The following SGCZ variants were observed in gnomAD, a reference collection of about 807,000 sequenced individuals.
SGCZ encodes the protein zeta-sarcoglycan.
SGCZ carries 40 observed loss-of-function variants against 41.3 expected under a neutral mutation model. That is an observed-to-expected ratio of 0.97 (90% confidence interval 0.75 to 1.26). The LOEUF (loss-of-function observed/expected upper bound fraction) is 1.26. Among genes scored for constraint, SGCZ ranks in the 50% most tolerant of loss-of-function variants. SGCZ has a pLI of 0.00. For missense variants in SGCZ, 552 were observed against 369.8 expected (o/e 1.49, Z -4.04); for synonymous variants, 206 against 137.5 (o/e 1.50, Z -3.49).
At chr8:14,373,622 A>G (rs1338481126) in intron 2 of SGCZ, among the ~76,000 whole-genome samples, 1 of 152,218 alleles carries the variant, frequency 6.6e-6, no homozygotes, top group African/African-American at 2.4e-5. Flanking sequence ...ATTTTGAAGG[A>G]AAGAATGAAG....
intron 1 of SGCZ, among the ~76,000 whole-genome samples, chr8:14,748,939 G>C (rs1273879869): frequency 6.6e-6 from 1 of 151,808 alleles, no homozygotes; most frequent in Non-Finnish European, 1.5e-5. Context: ...GATTTTCTGA[G>C]TTTTAGGAAA....
intron 1 of SGCZ, among the ~76,000 whole-genome samples, chr8:15,169,494 C>T (rs1176078534): frequency 6.6e-6 from 1 of 152,200 alleles, no homozygotes; most frequent in Non-Finnish European, 1.5e-5. Context: ...GTCTCACTCA[C>T]CTTTCAAATT....
intron 3 of SGCZ, among the ~76,000 whole-genome samples, chr8:14,255,751 T>C (rs1266928844): frequency 1.3e-5 from 2 of 152,090 alleles, no homozygotes; most frequent in Non-Finnish European, 2.9e-5. Flanking sequence ...TGCAGTATAA[T>C]GTGTGGGATG....
At chr8:14,573,305 C>T (rs539777066) in intron 1 of SGCZ, among the ~76,000 whole-genome samples, 20 of 146,928 alleles carry the variant, frequency 1.4e-4, no homozygotes, top group African/African-American at 5.0e-4. Flanking sequence ...TCAAGCCGTT[C>T]TCCGGCCTCA....
At chr8:14,609,408 C>A (rs1231884033) in intron 1 of SGCZ, among the ~76,000 whole-genome samples, 1 of 151,958 alleles carries the variant, frequency 6.6e-6, no homozygotes, top group East Asian at 1.9e-4. Flanking sequence ...CTATAAGTCA[C>A]TTTGAGATTC....
chr8:15,070,387 T>C (rs181147434), intron 1 of SGCZ, among the ~76,000 whole-genome samples: 1 of 152,324 alleles, frequency 6.6e-6, no homozygotes, highest in African/African-American at 2.4e-5. Context: ...CTGCAACTGA[T>C]AATATGCAAC....
Position 14,090,486 on chromosome 8 carries a change from C to G in SGCZ, c.896G>C (p.Gly299Ala). The G allele has an allele frequency of 6.2e-7, 1 of 1,612,986 alleles. No individual in the cohort carries two copies. Among genetic ancestry groups the G allele is most frequent in the South Asian group, 1.1e-5 (1 of 91,046 alleles). Residue 299 changes from glycine to alanine, a missense_variant, in exon 8 of 8, where the codon GGT (glycine) becomes GCT (alanine). Transcript: ENST00000382080. ...GTTGCTACTGGACTGACAAGTGGAA[C>G]CTACTCCTGCTGGAGAAAGGTAAAG... The part of the protein sequence containing the change: ...GKLYLSPAGV[G>A]STCQSSSNIC...
intron 1 of SGCZ, among the ~76,000 whole-genome samples, chr8:14,743,088 A>G (rs1799241606): frequency 6.6e-6 from 1 of 152,124 alleles, no homozygotes; most frequent in Admixed American, 6.6e-5. Flanking sequence ...GAGTTAAAAA[A>G]GTATGCACAA....
chr8:14,714,342 C>G (rs1809619503), intron 1 of SGCZ, among the ~76,000 whole-genome samples: 1 of 152,122 alleles, frequency 6.6e-6, no homozygotes, highest in African/African-American at 2.4e-5. Flanking sequence ...AAAAAAGTAA[C>G]AGTATCATAG....
At chr8:14,919,577 T>C (rs1799531685) in intron 1 of SGCZ, among the ~76,000 whole-genome samples, 1 of 152,178 alleles carries the variant, frequency 6.6e-6, no homozygotes, top group Admixed American at 6.5e-5. Context: ...ATTTGAACAA[T>C]TAAGATACTA....
At chr8:14,784,722 C>T (rs1240670590) in intron 1 of SGCZ, among the ~76,000 whole-genome samples, 1 of 150,760 alleles carries the variant, frequency 6.6e-6, no homozygotes, top group Non-Finnish European at 1.5e-5. Context: ...TGGAGAAACC[C>T]CGTCTCTACT....
chr8:15,053,036 C>T (rs1804572510), intron 1 of SGCZ, among the ~76,000 whole-genome samples: 1 of 152,150 alleles, frequency 6.6e-6, no homozygotes, highest in Non-Finnish European at 1.5e-5. Context: ...TCCAGCATTC[C>T]TCTGTAATAA....
chr8:15,097,837 T>TGTGTATATATATATATACAC lies in SGCZ; in HGVS notation c.39+139747_39+139748insGTGTATATATATATATACAC, dbSNP rs1563123920. 2.1e-3 allele frequency among the ~76,000 whole-genome samples: 18 copies of TGTGTATATATATATATACAC among 8,400 alleles called. 1 individual carries two copies. Among genetic ancestry groups the TGTGTATATATATATATACAC allele is most frequent in the Admixed American group, 5.3e-3 (3 of 570 alleles). The allele number at this position is 8,400 out of a possible 152,430, so 5.5% of individuals were successfully genotyped here. A position where few individuals can be genotyped will look rare whatever the true frequency, so the allele number is the denominator to read the frequency against. ...ATACGTGTGTGTATATATATATACGTGTGTGTATATATATATATACGTGTG... is the reference window on the plus strand; with the variant it reads ...ATACGTGTGTGTATATATATATACGTGTGTATATATATATATACACGTGTGTATATATATATATACGTGTG... On this transcript the variant is annotated intron_variant, in intron 1 of 7. Coordinates refer to ENST00000382080, the MANE Select transcript of SGCZ (RefSeq NM_139167.4).
chr8:14,637,172 T>A (rs902217924), intron 1 of SGCZ, among the ~76,000 whole-genome samples: 2 of 151,772 alleles, frequency 1.3e-5, no homozygotes, highest in Non-Finnish European at 2.9e-5. Context: ...AGTCCAAATC[T>A]TACATCACTA....
At chr8:14,163,022 C>T (rs1337022875) in intron 5 of SGCZ, among the ~76,000 whole-genome samples, 2 of 152,144 alleles carry the variant, frequency 1.3e-5, no homozygotes, top group African/African-American at 4.8e-5. Context: ...GGACACACAC[C>T]TTCATGCCTG....
intron 2 of SGCZ, among the ~76,000 whole-genome samples, chr8:14,491,359 G>C (rs1801837930): frequency 6.7e-6 from 1 of 149,632 alleles, no homozygotes; most frequent in Admixed American, 6.9e-5. Context: ...GGATCTCTCA[G>C]TGTATTACTC....
rs546443978 is a variant in SGCZ at position 14,963,879 on chromosome 8, G to C, written c.39+273706C>G. On this transcript the variant is annotated intron_variant, in intron 1 of 7. Transcript: ENST00000382080. ...TTTCCTTCAAATTTATTTCTTTTCA[G>C]TGCTTTCTAAAATAAAACTTTTCAC... Among the ~76,000 whole-genome samples, 7 of 152,092 alleles carry C rather than the reference G, an allele frequency of 4.6e-5. No individual in the cohort carries two copies. The South Asian group carries it at 8.3e-4, about 18-fold the overall frequency.
intron 3 of SGCZ, among the ~76,000 whole-genome samples, chr8:14,294,242 A>G (rs191680905): frequency 1.6e-3 from 243 of 152,070 alleles, no homozygotes; most frequent in African/African-American, 5.7e-3. Flanking sequence ...ATATTTATGT[A>G]TATATTTATT....
intron 3 of SGCZ, among the ~76,000 whole-genome samples, chr8:14,262,202 A>C (rs1799697814): frequency 1.3e-5 from 2 of 152,170 alleles, no homozygotes; most frequent in African/African-American, 4.8e-5. Context: ...AGCAATTTAA[A>C]AACACATATA....
Sources: allele counts gnomAD v4.1 joint callset (sites outside exome capture counted in the v4.1 genomes callset), GRCh38; gene constraint gnomAD v4.1.1; transcripts MANE v1.5; gene names NCBI Gene and HGNC (gene_info 2026-07-23, HGNC 2026-07-21).